CSMD3: variants seen among roughly 807,000 people sequenced by gnomAD.
CSMD3 encodes the protein CUB and sushi domain-containing protein 3.
A neutral mutation model predicts 435.2 loss-of-function variants in CSMD3; 177 were observed. The ratio of observed to expected loss-of-function variants is 0.41; its 90% confidence interval spans 0.36 to 0.46. The LOEUF (loss-of-function observed/expected upper bound fraction) is 0.46, where lower values mean the gene tolerates loss of function less well. Ranked by LOEUF, CSMD3 falls within the 20% of genes least tolerant of loss-of-function variation. The probability of loss-of-function intolerance (pLI) is 0.34; values close to 1 mark genes in which losing one functional copy is unlikely to be tolerated. For missense variants in CSMD3, 4,265 were observed against 4,504.6 expected, an observed-to-expected ratio of 0.95 and a Z score of 1.52; for synonymous variants, 1,656 against 1,520.5, an observed-to-expected ratio of 1.09 and a Z score of -2.07.
intron 1 of CSMD3, among the ~76,000 whole-genome samples, chr8:113,343,390 G>T (rs988825997): frequency 3.3e-5 from 5 of 152,030 alleles, no homozygotes; most frequent in Admixed American, 3.3e-4. Flanking sequence ...CAAAAGAATA[G>T]TAAAATTGAA....
intron 36 of CSMD3, among the ~76,000 whole-genome samples, chr8:112,386,499 A>ATT (rs1173012533): frequency 6.7e-6 from 1 of 149,804 alleles, no homozygotes. Flanking sequence ...CCAACCAAAG[A>ATT]TTTTTTTTTT....
chr8:113,328,180 T>G (rs1372135371), intron 1 of CSMD3, among the ~76,000 whole-genome samples: 3 of 151,992 alleles, frequency 2.0e-5, no homozygotes, highest in Non-Finnish European at 2.9e-5. Context: ...GGCTCACGCC[T>G]GTAATCCCAG....
At position 112,234,357 on chromosome 8, in the gene CSMD3, A is replaced by G; in HGVS notation, c.10740+8T>C. On this transcript the variant is annotated splice_region_variant and intron_variant, in intron 68 of 70. Coordinates refer to ENST00000297405, the MANE Select transcript of CSMD3 (RefSeq NM_198123.2). Reference sequence around the variant, plus strand: ...ATCAGCAGCAGATGTTAAAATAACTATACTTACAAAGCCATCCATTGCCCA... The same window carrying G: ...ATCAGCAGCAGATGTTAAAATAACTGTACTTACAAAGCCATCCATTGCCCA... 6.5e-7 allele frequency: 1 copy of G among 1,540,750 alleles called. No individual in the cohort carries two copies. The highest frequency in any genetic ancestry group is 9.0e-7 in the Non-Finnish European group (1 of 1,113,884).
chr8:112,383,867 A>G lies in CSMD3; in HGVS notation c.5935-204T>C, dbSNP rs149197425. Among the ~76,000 whole-genome samples, 520 of 152,290 alleles carry G rather than the reference A, an allele frequency of 3.4e-3. 3 individuals carry two copies. The highest frequency in any genetic ancestry group is 0.012 in the African/African-American group (492 of 41,562). ...GATTTTTATATAGAAAAGCCTTTGA[A>G]GCACCGACCAATGTTCATTGTGGGT... On this transcript the variant is annotated intron_variant, in intron 36 of 70. Transcript: ENST00000297405.
chr8:112,235,305 G>C (rs1234164530), intron 67 of CSMD3, among the ~76,000 whole-genome samples: 1 of 151,974 alleles, frequency 6.6e-6, no homozygotes, highest in Non-Finnish European at 1.5e-5. Flanking sequence ...GATGGCTTGA[G>C]CCCAGGAGCC....
intron 9 of CSMD3, among the ~76,000 whole-genome samples, chr8:112,944,037 A>G (rs950044518): frequency 6.6e-6 from 1 of 151,596 alleles, no homozygotes; most frequent in Admixed American, 6.6e-5. Context: ...ATTATCATCA[A>G]TCTCAAAAGG....
At chr8:112,834,953 T>C (rs2079978972) in intron 11 of CSMD3, among the ~76,000 whole-genome samples, 1 of 151,872 alleles carries the variant, frequency 6.6e-6, no homozygotes, top group Non-Finnish European at 1.5e-5. Flanking sequence ...ACCCTTAAAG[T>C]ATTTAAATAA....
chr8:112,527,761 T>C (rs907101796), intron 27 of CSMD3, among the ~76,000 whole-genome samples: 5 of 152,060 alleles, frequency 3.3e-5, no homozygotes, highest in African/African-American at 4.8e-5. Context: ...ACAATCAACT[T>C]TCAAAGACTT....
At chr8:113,023,349 TG>T (rs2086753100) in intron 5 of CSMD3, among the ~76,000 whole-genome samples, 1 of 152,058 alleles carries the variant, frequency 6.6e-6, no homozygotes, top group South Asian at 2.1e-4. Context: ...TCCATGACTT[TG>T]TATCCCTCTT....
At chr8:112,994,758 T>C (rs913906525) in intron 6 of CSMD3, among the ~76,000 whole-genome samples, 1 of 151,534 alleles carries the variant, frequency 6.6e-6, no homozygotes. Context: ...CCAGTGTAGC[T>C]CAGTGTTCAT....
chr8:113,138,136 C>T (rs1318364471), intron 4 of CSMD3, among the ~76,000 whole-genome samples: 1 of 151,288 alleles, frequency 6.6e-6, no homozygotes, highest in East Asian at 1.9e-4. Flanking sequence ...CCACACTTTT[C>T]AAAACACTCA....
intron 10 of CSMD3, among the ~76,000 whole-genome samples, chr8:112,905,321 T>TATATACACACAC (rs5894119): frequency 1.8e-4 from 26 of 145,582 alleles, no homozygotes; most frequent in African/African-American, 5.6e-4. Flanking sequence ...TATATATATA[T>TATATACACACAC]ACACACACAC....
At chr8:112,979,047 T>C (rs1038081901) in intron 6 of CSMD3, among the ~76,000 whole-genome samples, 2 of 151,930 alleles carry the variant, frequency 1.3e-5, no homozygotes, top group African/African-American at 2.4e-5. Context: ...AGGGGGAACA[T>C]AAAATTTTGG....
At chr8:113,202,808 A>G (rs2092728599) in intron 3 of CSMD3, among the ~76,000 whole-genome samples, 1 of 152,144 alleles carries the variant, frequency 6.6e-6, no homozygotes, top group African/African-American at 2.4e-5. Flanking sequence ...TTATACTAAC[A>G]TATAGTATAG....
chr8:113,113,453 G>A (rs538984875), intron 4 of CSMD3, among the ~76,000 whole-genome samples: 83 of 152,220 alleles, frequency 5.5e-4, no homozygotes, highest in African/African-American at 2.0e-3. Flanking sequence ...AAAAAAGATA[G>A]AAAATAGCTA....
chr8:112,562,831 A>G (rs1218902767), intron 24 of CSMD3, among the ~76,000 whole-genome samples: 9 of 151,520 alleles, frequency 5.9e-5, no homozygotes, highest in Non-Finnish European at 1.3e-4. Flanking sequence ...TTTTATATCA[A>G]CTTCATTATA....
chr8:112,433,386 T>C, intron 32 of CSMD3, among the ~76,000 whole-genome samples: 1 of 149,902 alleles, frequency 6.7e-6, no homozygotes. Context: ...GCAGGGCAGG[T>C]GGCTCATGCC....
intron 13 of CSMD3, among the ~76,000 whole-genome samples, chr8:112,760,464 CTGTT>C (rs1203731481): frequency 6.6e-6 from 1 of 152,108 alleles, no homozygotes; most frequent in Non-Finnish European, 1.5e-5. Flanking sequence ...CTAAACCTGA[CTGTT>C]AAATTATCAA....
intron 27 of CSMD3, among the ~76,000 whole-genome samples, chr8:112,531,731 T>G (rs1031864929): frequency 6.6e-6 from 1 of 152,132 alleles, no homozygotes; most frequent in East Asian, 1.9e-4. Context: ...ATTTTTGAAA[T>G]GTTCTCTGAA....
Sources: gnomAD v4.1 joint callset for allele counts (sites outside exome capture counted in the v4.1 genomes callset) on GRCh38, gnomAD v4.1.1 for gene constraint, MANE v1.5 for transcripts, NCBI Gene and HGNC (gene_info 2026-07-23, HGNC 2026-07-21) for gene names.